USP34: variants seen among roughly 807,000 people sequenced by gnomAD.
The protein encoded by USP34 is ubiquitin specific peptidase 34.
USP34 carries 70 observed loss-of-function variants against 460.3 expected under a neutral mutation model. The observed-to-expected ratio is 0.15, with a 90% confidence interval of 0.13 to 0.19. USP34 has a LOEUF of 0.19. USP34 is among the 10% of genes least tolerant of loss of function. The pLI, the probability that USP34 is intolerant of heterozygous loss-of-function variation, is 1.00. For missense variants in USP34, 3,985 were observed against 4,236.2 expected (o/e 0.94, Z 1.65); for synonymous variants, 1,647 against 1,405.3 (o/e 1.17, Z -3.85).
At chr2:61,457,186 G>T (rs888024394) in intron 1 of USP34, among the ~76,000 whole-genome samples, 2 of 152,208 alleles carry the variant, frequency 1.3e-5, no homozygotes, top group Non-Finnish European at 2.9e-5. Flanking sequence ...TGAGGTGGGA[G>T]GATCTCTTGA....
intron 18 of USP34, among the ~76,000 whole-genome samples, chr2:61,338,590 T>C (rs1324030109): frequency 6.6e-6 from 1 of 152,188 alleles, no homozygotes; most frequent in Non-Finnish European, 1.5e-5. Context: ...TATTAATAAC[T>C]GAACTGTCAA....
At chr2:61,309,029 T>C (rs1041154434) in intron 27 of USP34, among the ~76,000 whole-genome samples, 3 of 151,808 alleles carry the variant, frequency 2.0e-5, no homozygotes, top group African/African-American at 7.3e-5. Context: ...AGGGAGACTA[T>C]CTCAAAAACA....
intron 3 of USP34, among the ~76,000 whole-genome samples, chr2:61,397,906 A>G (rs1693584929): frequency 6.6e-6 from 1 of 152,032 alleles, no homozygotes; most frequent in African/African-American, 2.4e-5. Flanking sequence ...CTCAAAGAAA[A>G]AAAAAAAGAA....
rs762856863 is a variant in USP34 at position 61,188,451 on chromosome 2, C to CTGA, written c.10289_10291dup (p.Ile3430dup). 2.3e-5 allele frequency: 37 copies of CTGA among 1,614,042 alleles called. No individual in the cohort carries two copies. Among genetic ancestry groups the CTGA allele is most frequent in the Non-Finnish European group, 3.0e-5 (35 of 1,180,040 alleles). On this transcript the variant is annotated inframe_insertion, in exon 80 of 80. Transcript: ENST00000398571. The stretch of plus-strand genomic sequence containing the variant: ...GGACTGTTCTTCTGCATGCTGTGAC[C>CTGA]TGATATTTGACATGTCTTCTGAAAA...
At chr2:61,432,454 G>A (rs546402743) in intron 1 of USP34, among the ~76,000 whole-genome samples, 2 of 152,238 alleles carry the variant, frequency 1.3e-5, no homozygotes, top group Admixed American at 1.3e-4. Flanking sequence ...TCCAGCCTGG[G>A]TGACAGAGTG....
intron 59 of USP34, among the ~76,000 whole-genome samples, 169 bp from the exon 60 acceptor site, chr2:61,229,164 A>G (rs1274088778): frequency 6.6e-6 from 1 of 152,244 alleles, no homozygotes; most frequent in Non-Finnish European, 1.5e-5. Context: ...AAACAAAAAG[A>G]CTAAGCCATA....
At chr2:61,466,103 T>G (rs766290438) in intron 1 of USP34, among the ~76,000 whole-genome samples, 1 of 151,988 alleles carries the variant, frequency 6.6e-6, no homozygotes, top group Non-Finnish European at 1.5e-5. Flanking sequence ...GAATAAGTAC[T>G]ACTACAGAAT....
At chr2:61,462,312 G>A (rs1695625394) in intron 1 of USP34, among the ~76,000 whole-genome samples, 1 of 151,820 alleles carries the variant, frequency 6.6e-6, no homozygotes, top group African/African-American at 2.4e-5. Flanking sequence ...AGTTTGGGAG[G>A]CCGAGGTGGG....
intron 16 of USP34, among the ~76,000 whole-genome samples, chr2:61,342,456 A>G (rs1381621651): frequency 6.6e-6 from 1 of 150,626 alleles, no homozygotes; most frequent in East Asian, 2.0e-4. Context: ...GAGCACCACC[A>G]TACGCAGCTA....
At chr2:61,284,845 C>A (rs768735961) in intron 35 of USP34, 30 bp downstream of exon 35, 2 of 1,539,300 alleles carry the variant, frequency 1.3e-6, no homozygotes, top group East Asian at 4.5e-5. Context: ...GCTATACATA[C>A]ACACATAAAA....
At chr2:61,424,939 C>G (rs574795414) in intron 1 of USP34, among the ~76,000 whole-genome samples, 3 of 152,214 alleles carry the variant, frequency 2.0e-5, no homozygotes, top group African/African-American at 7.2e-5. Context: ...AAGTGATTCT[C>G]CTGCTGAGTA....
At chr2:61,220,176 A>AAAAGG in intron 67 of USP34, 134 bp downstream of exon 67, 1 of 485,168 alleles carries the variant, frequency 2.1e-6, no homozygotes, top group Non-Finnish European at 3.1e-6. Context: ...AAAAAAAAAA[A>AAAAGG]AAAAAAGGAA....
Position 61,228,693 on chromosome 2 carries a change from A to G in USP34, c.7395T>C (p.Ala2465=), listed in dbSNP as rs747535598. The change falls in exon 61 of 80, where the codon GCT becomes GCC. Residue 2465 remains alanine, a synonymous_variant. Coordinates refer to ENST00000398571, the MANE Select transcript of USP34 (RefSeq NM_014709.4). ...TGTAAAAATGTACCATTGTAGATAT[A>G]GCTTGCAATGAAAGCAAAAATTGGC... The part of the protein sequence containing the change: ...EESQFLLSLQ[A]ISTMVHFYMG... The G allele has an allele frequency of 6.2e-7, 1 of 1,611,592 alleles. No homozygotes were observed. The highest frequency in any genetic ancestry group is 8.5e-7 in the Non-Finnish European group (1 of 1,179,170).
At chr2:61,303,896 G>GC (rs763707756) in intron 27 of USP34, among the ~76,000 whole-genome samples, 3 of 149,284 alleles carry the variant, frequency 2.0e-5, no homozygotes, top group Admixed American at 1.3e-4. Context: ...TACTTTGGTA[G>GC]TTTTTTTGTT....
At chr2:61,379,384 G>A (rs1692904853) in intron 7 of USP34, among the ~76,000 whole-genome samples, 1 of 152,106 alleles carries the variant, frequency 6.6e-6, no homozygotes, top group Non-Finnish European at 1.5e-5. Context: ...GCTGGGTGTT[G>A]TGGCGCACAC....
Position 61,350,620 on chromosome 2 carries a change from C to T in USP34, c.1325G>A (p.Arg442Lys), listed in dbSNP as rs2103784848. Reference sequence around the variant, plus strand: ...AGCTGAGACCAGATTAAGTAGATGTCTAAGTGGTACGGGATCCAAATTCTT... The same window carrying T: ...AGCTGAGACCAGATTAAGTAGATGTTTAAGTGGTACGGGATCCAAATTCTT... ...LIKNLDPVPL[R>K]HLLNLVSALE... Residue 442 changes from arginine (R) to lysine (K), a missense_variant, in exon 11 of 80, where the codon AGA (arginine) becomes AAA (lysine). Coordinates refer to ENST00000398571, the MANE Select transcript of USP34 (RefSeq NM_014709.4). 1.2e-6 allele frequency: 2 copies of T among 1,613,556 alleles called. No individual in the cohort carries two copies. Among genetic ancestry groups the T allele is most frequent in the South Asian group, 1.1e-5 (1 of 91,050 alleles).
At chr2:61,461,449 C>T (rs965500298) in intron 1 of USP34, among the ~76,000 whole-genome samples, 1 of 149,874 alleles carries the variant, frequency 6.7e-6, no homozygotes, top group African/African-American at 2.4e-5. Flanking sequence ...GAAAAAAAAA[C>T]ATACAATTCA....
intron 27 of USP34, among the ~76,000 whole-genome samples, chr2:61,303,477 T>C (rs931783343): frequency 6.6e-6 from 1 of 152,258 alleles, no homozygotes; most frequent in African/African-American, 2.4e-5. Context: ...CATTTTATAG[T>C]GTATTTTACT....
At chr2:61,252,688 T>G (rs973570415) in intron 48 of USP34, among the ~76,000 whole-genome samples, 3 of 152,192 alleles carry the variant, frequency 2.0e-5, no homozygotes, top group African/African-American at 7.2e-5. Context: ...TTAGATTATT[T>G]GGGAGACTGA....
Sources: gnomAD v4.1 joint callset for allele counts (sites outside exome capture counted in the v4.1 genomes callset) on GRCh38, gnomAD v4.1.1 for gene constraint, MANE v1.5 for transcripts, NCBI Gene and HGNC (gene_info 2026-07-23, HGNC 2026-07-21) for gene names.